CHMP4B: variants seen among roughly 807,000 people sequenced by gnomAD.
CHMP4B encodes SNF7 homolog associated with Alix 1.
Under a neutral mutation model 25.1 loss-of-function variants are expected in CHMP4B, and 1 was observed. The observed-to-expected ratio is 0.04, with a 90% confidence interval of 0.01 to 0.19. CHMP4B has a LOEUF of 0.19. CHMP4B is among the 10% of genes least tolerant of loss of function. The pLI, the probability that CHMP4B is intolerant of heterozygous loss-of-function variation, is 1.00. For missense variants in CHMP4B, 151 were observed against 289.7 expected (o/e 0.52, Z 3.48); for synonymous variants, 101 against 115.6 (o/e 0.87, Z 0.81).
chr20:33,817,290 C>T (rs1978808271), intron 1 of CHMP4B, among the ~76,000 whole-genome samples: 1 of 152,246 alleles, frequency 6.6e-6, no homozygotes, highest in Non-Finnish European at 1.5e-5. Context: ...ACCAGAGGCC[C>T]TATGTGTTGG....
At chr20:33,845,750 T>G (rs1324954870) in intron 1 of CHMP4B, among the ~76,000 whole-genome samples, 4 of 152,064 alleles carry the variant, frequency 2.6e-5, no homozygotes, top group Non-Finnish European at 5.9e-5. Flanking sequence ...AATCACTTGG[T>G]GATTAGAGTA....
chr20:33,843,334 A>G (rs1357558650), intron 1 of CHMP4B, among the ~76,000 whole-genome samples: 1 of 152,196 alleles, frequency 6.6e-6, no homozygotes, highest in Non-Finnish European at 1.5e-5. Flanking sequence ...AAATATGGAG[A>G]TTCCAAGGAC....
In CHMP4B at chr20:33,845,445, C is replaced by T. The variant is rs1334486232; in HGVS notation, c.191-3022C>T. Among the ~76,000 whole-genome samples the T allele has an allele frequency of 2.6e-5, 4 of 152,068 alleles. No individual in the cohort carries two copies. In the East Asian group the frequency reaches 7.7e-4, roughly 29 times the overall value. ...TCAAGCAATTCTCCTGCCTCTGCCT[C>T]CCGAGTAGCTGGGACTACAGGTGCG... is the stretch of plus-strand genomic sequence containing the variant. On this transcript the variant is annotated intron_variant, in intron 1 of 4. Transcript: ENST00000217402.
intron 1 of CHMP4B, among the ~76,000 whole-genome samples, chr20:33,829,291 C>T (rs1189725730): frequency 1.3e-5 from 2 of 152,220 alleles, no homozygotes; most frequent in African/African-American, 4.8e-5. Flanking sequence ...ACTTCAGCCC[C>T]TTCTCAGCCA....
At position 33,811,398 on chromosome 20, in the gene CHMP4B, G is replaced by A; in HGVS notation, c.-71G>A. ...GGCGGGACTGGGAGCGGGCGCCGGA[G>A]CCGACCCGAGCCGAGCCGAGCCGAG... is the stretch of plus-strand genomic sequence containing the variant. On this transcript the variant is annotated 5_prime_UTR_variant, in exon 1 of 5. Coordinates refer to ENST00000217402, the MANE Select transcript of CHMP4B (RefSeq NM_176812.5). 1.6e-6 allele frequency: 2 copies of A among 1,271,846 alleles called. No homozygotes were observed. The highest frequency in any genetic ancestry group is 2.0e-6 in the Non-Finnish European group (2 of 997,724). The allele number at this position is 1,271,846 out of a possible 1,614,324, so 78.8% of individuals were successfully genotyped here.
intron 1 of CHMP4B, among the ~76,000 whole-genome samples, chr20:33,824,215 T>C (rs1979025282): frequency 6.6e-6 from 1 of 152,228 alleles, no homozygotes; most frequent in Non-Finnish European, 1.5e-5. Flanking sequence ...TCCCTTTTTT[T>C]AGAGGAAGAA....
chr20:33,850,879 T>C lies in CHMP4B; in HGVS notation c.369-73T>C. 2.8e-6 allele frequency: 3 copies of C among 1,084,784 alleles called. No individual in the cohort carries two copies. The South Asian group carries it at 3.8e-5, about 14-fold the overall frequency. 67.2% of individuals were successfully genotyped at this position (1,084,784 alleles called of 1,614,324 possible). ...TGATTTTGTGGGGCCCAGTTTCTGCTCCCGCCTTGCCTTGCAGGCCCCCTT... is the reference window on the plus strand; with the variant it reads ...TGATTTTGTGGGGCCCAGTTTCTGCCCCCGCCTTGCCTTGCAGGCCCCCTT... On this transcript the variant is annotated intron_variant, in intron 2 of 4. Coordinates refer to ENST00000217402, the MANE Select transcript of CHMP4B (RefSeq NM_176812.5).
chr20:33,841,698 G>A lies in CHMP4B; in HGVS notation c.191-6769G>A, dbSNP rs139598783. 1.6e-3 allele frequency among the ~76,000 whole-genome samples: 247 copies of A among 152,258 alleles called. 1 individual carries two copies. Among genetic ancestry groups the A allele is most frequent in the African/African-American group, 5.8e-3 (242 of 41,534 alleles). ...ATTAGGGGAAGGTATTCTTGAACCAGCCCGATTAGCACCTCTTTCCCATTC... is the reference window on the plus strand; with the variant it reads ...ATTAGGGGAAGGTATTCTTGAACCAACCCGATTAGCACCTCTTTCCCATTC... On this transcript the variant is annotated intron_variant, in intron 1 of 4. Transcript: ENST00000217402.
chr20:33,822,385 TC>T (rs1978966913), intron 1 of CHMP4B, among the ~76,000 whole-genome samples: 1 of 152,230 alleles, frequency 6.6e-6, no homozygotes, highest in East Asian at 1.9e-4. Context: ...CCTCAGGTGA[TC>T]CACCTGCCTC....
chr20:33,835,395 T>A (rs1384980160), intron 1 of CHMP4B, among the ~76,000 whole-genome samples: 1 of 152,226 alleles, frequency 6.6e-6, no homozygotes, highest in Admixed American at 6.5e-5. Flanking sequence ...TGGAAAATTT[T>A]TGGCCGTTAT....
intron 1 of CHMP4B, among the ~76,000 whole-genome samples, chr20:33,821,800 A>G (rs969177505): frequency 4.0e-5 from 6 of 150,544 alleles, no homozygotes; most frequent in Non-Finnish European, 8.9e-5. Context: ...GATTATTGCT[A>G]TTTTCTTTCT....
rs1227987248 is a variant in CHMP4B, at chr20:33,811,700, C to A, written c.190+42C>A. On this transcript the variant is annotated intron_variant, in intron 1 of 4. Coordinates refer to ENST00000217402, the MANE Select transcript of CHMP4B (RefSeq NM_176812.5). ...CCTTCAGACTTGCCACGGGCTCCCC[C>A]CAGGCTCCCCGGGCCCGGACTTCAC... 4.4e-6 allele frequency: 7 copies of A among 1,592,702 alleles called. No individual in the cohort carries two copies. In the Admixed American group the frequency reaches 5.3e-5, roughly 12 times the overall value.
In CHMP4B at chr20:33,820,822, C is replaced by T. The variant is rs953207395; in HGVS notation, c.190+9164C>T. ...TTTTTTGCGAAAGAAAAACCAGGAA[C>T]GTGGAACTATTTGCAGTACTTTAAA... On this transcript the variant is annotated intron_variant, in intron 1 of 4. Coordinates refer to ENST00000217402, the MANE Select transcript of CHMP4B (RefSeq NM_176812.5). Among the ~76,000 whole-genome samples the T allele has an allele frequency of 6.6e-5, 10 of 152,086 alleles. No individual in the cohort carries two copies. In the South Asian group the frequency reaches 1.7e-3, roughly 25 times the overall value.
In CHMP4B at chr20:33,811,379, A is replaced by G. The variant is rs937272741; in HGVS notation, c.-90A>G. On this transcript the variant is annotated 5_prime_UTR_variant, in exon 1 of 5. Transcript: ENST00000217402. ...GCCTGCGGCGGCAGGGAGCGGCGGGACTGGGAGCGGGCGCCGGAGCCGACC... is the reference window on the plus strand; with the variant it reads ...GCCTGCGGCGGCAGGGAGCGGCGGGGCTGGGAGCGGGCGCCGGAGCCGACC... 3.6e-5 allele frequency: 40 copies of G among 1,125,488 alleles called. No homozygotes were observed. Among genetic ancestry groups the G allele is most frequent in the Non-Finnish European group, 4.3e-5 (38 of 881,510 alleles). The allele number at this position is 1,125,488 out of a possible 1,614,324, so 69.7% of individuals were successfully genotyped here. A position where few individuals can be genotyped will look rare whatever the true frequency, so the allele number is the denominator to read the frequency against.
chr20:33,817,325 A>C (rs191990499), intron 1 of CHMP4B, among the ~76,000 whole-genome samples: 1 of 152,366 alleles, frequency 6.6e-6, no homozygotes, highest in East Asian at 1.9e-4. Flanking sequence ...TGGTTCCTTT[A>C]ATTCAAATGA....
At chr20:33,824,785 C>T (rs1805214475) in intron 1 of CHMP4B, among the ~76,000 whole-genome samples, 1 of 150,868 alleles carries the variant, frequency 6.6e-6, no homozygotes, top group African/African-American at 2.4e-5. Context: ...TAATACCTCC[C>T]CATCCAGTTG....
chr20:33,848,351 C>CT (rs1228199500), intron 1 of CHMP4B, 116 bp from the exon 2 acceptor site: 1 of 978,098 alleles, frequency 1.0e-6, no homozygotes, highest in Non-Finnish European at 1.6e-6. Context: ...GAATCCTCTG[C>CT]TATAGTGGAA....
intron 1 of CHMP4B, among the ~76,000 whole-genome samples, chr20:33,819,372 A>C (rs977222000): frequency 1.1e-4 from 16 of 152,222 alleles, no homozygotes; most frequent in Non-Finnish European, 4.4e-5. Flanking sequence ...GGTATCACTG[A>C]GACAGGGAAA....
intron 1 of CHMP4B, among the ~76,000 whole-genome samples, chr20:33,829,449 C>G (rs1390398339): frequency 6.6e-6 from 1 of 152,164 alleles, no homozygotes; most frequent in Non-Finnish European, 1.5e-5. Flanking sequence ...CCCTCCCTTT[C>G]TTTGGCCCCT....
Sources: allele counts gnomAD v4.1 joint callset (sites outside exome capture counted in the v4.1 genomes callset), GRCh38; gene constraint gnomAD v4.1.1; transcripts MANE v1.5; gene names NCBI Gene and HGNC (gene_info 2026-07-23, HGNC 2026-07-21).